The following KMT2E variants were observed in gnomAD, a reference collection of about 807,000 sequenced individuals.
The protein encoded by KMT2E is lysine methyltransferase 2E (inactive), also known as histone reader KMT2E.
A neutral mutation model predicts 184.6 loss-of-function variants in KMT2E; 30 were observed. The observed-to-expected ratio is 0.16, with a 90% confidence interval of 0.12 to 0.22. The LOEUF (loss-of-function observed/expected upper bound fraction) is 0.22, where lower values mean the gene tolerates loss of function less well. Among genes scored for constraint, KMT2E ranks in the 10% least tolerant of loss-of-function variants. KMT2E has a pLI of 1.00. For missense variants in KMT2E, 2,023 were observed against 2,237.4 expected, an observed-to-expected ratio of 0.90 and a Z score of 1.93; for synonymous variants, 815 against 776.5, an observed-to-expected ratio of 1.05 and a Z score of -0.82.
intron 1 of KMT2E, among the ~76,000 whole-genome samples, chr7:105,036,283 G>A (rs1374208719): frequency 2.7e-5 from 4 of 149,776 alleles, no homozygotes; most frequent in African/African-American, 7.4e-5. Flanking sequence ...AGCGATTCTC[G>A]TGCCTCAGCC....
chr7:105,106,904 A>C, intron 20 of KMT2E, 132 bp downstream of exon 20: 1 of 915,168 alleles, frequency 1.1e-6, no homozygotes, highest in South Asian at 1.8e-5. Context: ...ACTAAAAATC[A>C]GAAAAATTCA....
At chr7:105,038,823 A>C (rs1391617952) in intron 2 of KMT2E, among the ~76,000 whole-genome samples, 1 of 152,030 alleles carries the variant, frequency 6.6e-6, no homozygotes, top group Admixed American at 6.5e-5. Context: ...TCTCATTATA[A>C]GATTTTTTAT....
Position 105,107,899 on chromosome 7 carries a change from C to A in KMT2E, c.3442C>A (p.Pro1148Thr), listed in dbSNP as rs1267442202. Residue 1148 changes from proline to threonine, a missense_variant, in exon 22 of 27, where the codon CCC (proline) becomes ACC (threonine). This residue lies in a region of KMT2E where 1,108 missense variants were observed against 1,050.9 expected (regional missense o/e 1.05). Transcript: ENST00000311117. ...NDNLIDGNCT[P>T]QNPPQKKKVS... ...CAATTTGATCGACGGGAATTGCACACCCCAGAATCCACCACAAAAGAAAAA... is the reference window on the plus strand; with the variant it reads ...CAATTTGATCGACGGGAATTGCACAACCCAGAATCCACCACAAAAGAAAAA... 2.1e-5 allele frequency: 34 copies of A among 1,605,196 alleles called. No homozygotes were observed. Among genetic ancestry groups the A allele is most frequent in the African/African-American group, 2.7e-5 (2 of 74,388 alleles).
rs571839487 is a variant in KMT2E, at chr7:105,018,846, A to T, written c.-189+4311A>T. On this transcript the variant is annotated intron_variant, in intron 1 of 26. Coordinates refer to ENST00000311117, the MANE Select transcript of KMT2E (RefSeq NM_182931.3). ...CCTACAAATTTACTTAACATGGAGG[A>T]ACAGTATTTGTTGTTGAAATTGTTT... Among the ~76,000 whole-genome samples the T allele has an allele frequency of 2.3e-4, 35 of 152,250 alleles. No individual in the cohort carries two copies. In the South Asian group the frequency reaches 6.8e-3, roughly 30 times the overall value.
chr7:105,084,935 T>C (rs541469187), intron 13 of KMT2E, among the ~76,000 whole-genome samples: 3 of 152,328 alleles, frequency 2.0e-5, no homozygotes, highest in African/African-American at 7.2e-5. Flanking sequence ...TGTGTGTGCA[T>C]AGGTTTTGAT....
In KMT2E at chr7:105,078,657, C is replaced by CT. The variant is rs71152940; in HGVS notation, c.1131-158dup. On this transcript the variant is annotated intron_variant, in intron 11 of 26. Coordinates refer to ENST00000311117, the MANE Select transcript of KMT2E (RefSeq NM_182931.3). ...ACAGGCACATGCTACCATGCCTGGC[C>CT]TTTTTTTTTTTTTTTTTTTTTTTTT... 9.6e-4 allele frequency among the ~76,000 whole-genome samples: 45 copies of CT among 46,728 alleles called. 5 individuals are homozygous for CT. Among genetic ancestry groups the CT allele is most frequent in the South Asian group, 1.3e-3 (1 of 780 alleles). The allele number at this position is 46,728 out of a possible 152,430, so 30.7% of individuals were successfully genotyped here.
Position 105,108,935 on chromosome 7 carries a change from G to T in KMT2E, c.3469-7G>T. The stretch of plus-strand genomic sequence containing the variant: ...AGATTTGCTTTTTCTCATCTTTCTT[G>T]CTTAAGGTTTCTCTATTAGAATACC... On this transcript the variant is annotated splice_region_variant and splice_polypyrimidine_tract_variant and intron_variant, in intron 22 of 26. Coordinates refer to ENST00000311117, the MANE Select transcript of KMT2E (RefSeq NM_182931.3). 6.3e-7 allele frequency: 1 copy of T among 1,588,108 alleles called. No individual in the cohort carries two copies. Among genetic ancestry groups the T allele is most frequent in the South Asian group, 1.1e-5 (1 of 88,870 alleles).
Position 105,107,371 on chromosome 7 carries a change from A to C in KMT2E, c.2914A>C (p.Arg972=). Residue 972 remains arginine (R), a synonymous_variant, in exon 22 of 27, where the codon AGA becomes CGA. Transcript: ENST00000311117. The part of the protein sequence containing the change: ...RRTYSQEGYD[R]SSTMLTLGPF... ...TTTAATTTGTAAACAGGGATATGACAGATCTTCAACCATGTTAACATTGGG... is the reference window on the plus strand; with the variant it reads ...TTTAATTTGTAAACAGGGATATGACCGATCTTCAACCATGTTAACATTGGG... 6.3e-7 allele frequency: 1 copy of C among 1,583,254 alleles called. No homozygotes were observed. Among genetic ancestry groups the C allele is most frequent in the African/African-American group, 1.4e-5 (1 of 73,140 alleles).
chr7:105,109,878 C>G (rs148222768), intron 23 of KMT2E, among the ~76,000 whole-genome samples: 2,361 of 143,952 alleles, frequency 0.016, 65 homozygotes, highest in African/African-American at 0.056. Flanking sequence ...GAGTCTTGCT[C>G]TGTCGCCCAG....
At chr7:105,075,633 T>C (rs560552099) in intron 8 of KMT2E, among the ~76,000 whole-genome samples, 28 of 152,262 alleles carry the variant, frequency 1.8e-4, no homozygotes, top group Non-Finnish European at 3.8e-4. Flanking sequence ...AATTTTTGTC[T>C]TTGTATTATA....
chr7:105,095,414 G>C (rs556890085), intron 15 of KMT2E, among the ~76,000 whole-genome samples: 5 of 152,102 alleles, frequency 3.3e-5, no homozygotes, highest in African/African-American at 1.2e-4. Context: ...AATATATTTG[G>C]TTGGGATTAT....
intron 13 of KMT2E, among the ~76,000 whole-genome samples, chr7:105,082,191 CA>C (rs1797783740): frequency 6.6e-6 from 1 of 152,006 alleles, no homozygotes; most frequent in African/African-American, 2.4e-5. Context: ...ATTTTCTTTG[CA>C]GTATAAATTA....
intron 3 of KMT2E, among the ~76,000 whole-genome samples, chr7:105,059,544 C>T (rs1264979693): frequency 1.3e-5 from 2 of 152,118 alleles, no homozygotes; most frequent in Non-Finnish European, 2.9e-5. Context: ...AATGGATGTA[C>T]ATTTGCAGTA....
intron 1 of KMT2E, among the ~76,000 whole-genome samples, chr7:105,032,922 A>C (rs888103214): frequency 6.6e-6 from 1 of 152,238 alleles, no homozygotes; most frequent in African/African-American, 2.4e-5. Flanking sequence ...CAGTGAAACA[A>C]GTTTTTCCTA....
chr7:105,043,975 G>C (rs1795993296), intron 3 of KMT2E, among the ~76,000 whole-genome samples: 1 of 152,162 alleles, frequency 6.6e-6, no homozygotes, highest in Non-Finnish European at 1.5e-5. Flanking sequence ...GCGCATGCCT[G>C]TAGTCCCAGC....
Position 105,106,580 on chromosome 7 carries a change from A to G in KMT2E, c.2655A>G (p.Ser885=), listed in dbSNP as rs779256476. 6.8e-6 allele frequency: 11 copies of G among 1,613,216 alleles called. No individual in the cohort carries two copies. The highest frequency in any genetic ancestry group is 9.3e-6 in the Non-Finnish European group (11 of 1,179,118). ...ATCAGTTGCTAGATTCGGTTTACTC[A>G]GAAACCTCCACACCTACTCCTTCCC... The part of the protein sequence containing the change: ...RFYQLLDSVY[S]ETSTPTPSPY... Residue 885 remains serine, a synonymous_variant, in exon 20 of 27, where the codon TCA becomes TCG. Transcript: ENST00000311117.
intron 15 of KMT2E, 55 bp downstream of exon 15, chr7:105,091,369 A>G (rs750377095): frequency 1.1e-6 from 1 of 931,600 alleles, no homozygotes; most frequent in Admixed American, 1.7e-5. Context: ...GCATATGGTA[A>G]TTGTTGCTGC....
intron 3 of KMT2E, among the ~76,000 whole-genome samples, chr7:105,046,789 T>C (rs1181235352): frequency 6.6e-6 from 1 of 152,232 alleles, no homozygotes; most frequent in Non-Finnish European, 1.5e-5. Context: ...TGCCATCTAA[T>C]TTTAAATGTA....
intron 3 of KMT2E, among the ~76,000 whole-genome samples, chr7:105,041,508 TCTC>T (rs1795881161): frequency 6.6e-6 from 1 of 152,102 alleles, no homozygotes; most frequent in African/African-American, 2.4e-5. Context: ...TTCAAGCAAT[TCTC>T]CTGCCTCAGC....
Sources: gnomAD v4.1 joint callset for allele counts (sites outside exome capture counted in the v4.1 genomes callset) on GRCh38, gnomAD v4.1.1 for gene constraint, gnomAD v4.1.1 regional missense constraint, MANE v1.5 for transcripts, NCBI Gene and HGNC (gene_info 2026-07-23, HGNC 2026-07-21) for gene names.